Variants in MORF4L1 observed in about 807,000 individuals in gnomAD.
The protein encoded by MORF4L1 is mortality factor 4-like protein 1.
In MORF4L1, 4 loss-of-function variants were observed where a neutral mutation model predicts 52.9. The observed-to-expected ratio is 0.08, with a 90% CI of 0.04 to 0.17. MORF4L1 has a LOEUF of 0.17. Ranked by LOEUF, MORF4L1 falls within the 10% of genes least tolerant of loss-of-function variation. The probability of loss-of-function intolerance (pLI) is 1.00; values close to 1 mark genes in which losing one functional copy is unlikely to be tolerated. For synonymous variants in MORF4L1, 123 were observed against 134.8 expected (o/e 0.91, Z 0.61); for missense variants, 214 against 390.4 (o/e 0.55, Z 3.81).
intron 4 of MORF4L1, among the ~76,000 whole-genome samples, chr15:78,886,907 A>G (rs1433126905): frequency 6.6e-6 from 1 of 151,296 alleles, no homozygotes; most frequent in African/African-American, 2.4e-5. Flanking sequence ...GTGAGCGGAG[A>G]TCGCGCCACT....
intron 5 of MORF4L1, among the ~76,000 whole-genome samples, chr15:78,888,857 T>A (rs182455672): frequency 7.9e-5 from 12 of 152,350 alleles, no homozygotes; most frequent in Admixed American, 7.2e-4. Context: ...ATTTGAGGAT[T>A]GTTCATAGTT....
Position 78,897,221 on chromosome 15 carries a change from G to T in MORF4L1, c.*154G>T, listed in dbSNP as rs554687611. On this transcript the variant is annotated 3_prime_UTR_variant, in exon 12 of 12. Transcript: ENST00000426013. ...TTAAACAGAGAAAAAATAAAAGGGG[G>T]TAATAGCTCCTTTTTTCTTCTTTCT... 3 of 544,874 alleles carry T rather than the reference G, an allele frequency of 5.5e-6. No homozygotes were observed. The highest frequency in any genetic ancestry group is 9.8e-6 in the Non-Finnish European group (3 of 306,740). 33.8% of individuals were successfully genotyped at this position (544,874 alleles called of 1,614,324 possible).
intron 3 of MORF4L1, among the ~76,000 whole-genome samples, chr15:78,884,372 C>T (rs958269339): frequency 4.6e-5 from 7 of 151,962 alleles, no homozygotes; most frequent in African/African-American, 1.7e-4. Flanking sequence ...GGTGTAGTGG[C>T]GCGCACCTGT....
At chr15:78,873,250 C>T in intron 1 of MORF4L1, 193 bp downstream of exon 1, 1 of 1,498,832 alleles carries the variant, frequency 6.7e-7, no homozygotes, top group South Asian at 1.3e-5. Context: ...CTTTGTGAAG[C>T]GAGAGTGCTG....
intron 4 of MORF4L1, among the ~76,000 whole-genome samples, chr15:78,886,903 G>T (rs1431941691): frequency 6.6e-6 from 1 of 151,384 alleles, no homozygotes; most frequent in Non-Finnish European, 1.5e-5. Flanking sequence ...TTCAGTGAGC[G>T]GAGATCGCGC....
In MORF4L1 at chr15:78,897,912, CTT is replaced by C. The variant is rs1399925623; in HGVS notation, c.*846_*847del. ...CATAGCAGCTTTGGCAGTTTGCTGT[CTT>C]GAGTCTTAGCTAAAAAGTTAGAAGT... On this transcript the variant is annotated 3_prime_UTR_variant, in exon 12 of 12. Coordinates refer to ENST00000426013, the MANE Select transcript of MORF4L1 (RefSeq NM_006791.4). The C allele has an allele frequency of 6.6e-6, 1 of 152,222 alleles. No individual in the cohort carries two copies. The highest frequency in any genetic ancestry group is 1.5e-5 in the Non-Finnish European group (1 of 68,024). The allele number at this position is 152,222 out of a possible 1,614,324, so 9.4% of individuals were successfully genotyped here.
rs372117386 is a variant in MORF4L1, at chr15:78,897,088, T to C, written c.*21T>C. On this transcript the variant is annotated 3_prime_UTR_variant, in exon 12 of 12. Transcript: ENST00000426013. ...TGTGAGAGGCACTCTCACTCACTTA[T>C]GTTTGGATCTCCGTAAACACATTTT... The C allele has an allele frequency of 2.7e-5, 42 of 1,580,852 alleles. No homozygotes were observed. Among genetic ancestry groups the C allele is most frequent in the East Asian group, 4.5e-5 (2 of 44,682 alleles).
At chr15:78,883,710 T>C (rs766261923) in intron 3 of MORF4L1, among the ~76,000 whole-genome samples, 1 of 152,202 alleles carries the variant, frequency 6.6e-6, no homozygotes, top group Non-Finnish European at 1.5e-5. Flanking sequence ...GAAATGTCTT[T>C]GGTTGACTTG....
intron 4 of MORF4L1, among the ~76,000 whole-genome samples, chr15:78,886,715 G>A (rs552132142): frequency 6.6e-6 from 1 of 152,278 alleles, no homozygotes; most frequent in Admixed American, 6.5e-5. Flanking sequence ...CAGCATTTTG[G>A]GAGGCCAAGG....
chr15:78,887,449 T>C, intron 5 of MORF4L1, 100 bp downstream of exon 5: 1 of 991,080 alleles, frequency 1.0e-6, no homozygotes, highest in Non-Finnish European at 1.5e-6. Flanking sequence ...TTTGGAACAT[T>C]GTTGGAACCA....
intron 3 of MORF4L1, among the ~76,000 whole-genome samples, chr15:78,883,811 G>A (rs1250472778): frequency 6.6e-6 from 1 of 152,158 alleles, no homozygotes; most frequent in Non-Finnish European, 1.5e-5. Flanking sequence ...GAAAGGGGGA[G>A]GAGTTATTCA....
intron 3 of MORF4L1, among the ~76,000 whole-genome samples, chr15:78,882,041 C>G (rs2056612104): frequency 6.6e-6 from 1 of 152,148 alleles, no homozygotes; most frequent in Non-Finnish European, 1.5e-5. Context: ...ATGTTTTCAG[C>G]TGAGAATTTA....
intron 2 of MORF4L1, among the ~76,000 whole-genome samples, chr15:78,879,678 C>T (rs1356824514): frequency 6.6e-6 from 1 of 151,790 alleles, no homozygotes; most frequent in Non-Finnish European, 1.5e-5. Flanking sequence ...ACGTACAAGC[C>T]TGTAATCCCA....
intron 1 of MORF4L1, among the ~76,000 whole-genome samples, chr15:78,875,911 G>C (rs1022479894): frequency 3.3e-5 from 5 of 152,074 alleles, no homozygotes; most frequent in African/African-American, 1.2e-4. Flanking sequence ...AGAGAAAAGA[G>C]TGGCGAGAAG....
intron 1 of MORF4L1, among the ~76,000 whole-genome samples, chr15:78,875,393 AAG>A (rs988829911): frequency 6.6e-6 from 1 of 152,240 alleles, no homozygotes; most frequent in Non-Finnish European, 1.5e-5. Flanking sequence ...AAAGCTGTGT[AAG>A]AGAGTCTGTA....
intron 1 of MORF4L1, 159 bp downstream of exon 1, chr15:78,873,216 C>G (rs1651645703): frequency 2.6e-6 from 4 of 1,514,462 alleles, no homozygotes; most frequent in Non-Finnish European, 2.6e-6. Flanking sequence ...GATGGCAATT[C>G]CGGTGCGTCA....
In MORF4L1 at chr15:78,884,987, G is replaced by A. The variant is rs1555439856; in HGVS notation, c.156-1154G>A. ...ATCAGAAGTGCTGTGAGGCCCAGGCGCTCTGAAAAATCTTTGAAGACACAT... is the reference window on the plus strand; with the variant it reads ...ATCAGAAGTGCTGTGAGGCCCAGGCACTCTGAAAAATCTTTGAAGACACAT... On this transcript the variant is annotated intron_variant, in intron 3 of 11. Transcript: ENST00000426013. 8.7e-6 allele frequency: 14 copies of A among 1,613,898 alleles called. No homozygotes were observed. The highest frequency in any genetic ancestry group is 3.3e-5 in the South Asian group (3 of 91,062).
chr15:78,881,737 A>T (rs1439029627), intron 3 of MORF4L1, among the ~76,000 whole-genome samples: 1 of 152,180 alleles, frequency 6.6e-6, no homozygotes, highest in Admixed American at 6.5e-5. Flanking sequence ...CATTTTATTA[A>T]TGATGCCTTG....
At chr15:78,882,119 C>T (rs182429123) in intron 3 of MORF4L1, among the ~76,000 whole-genome samples, 1 of 152,256 alleles carries the variant, frequency 6.6e-6, no homozygotes, top group African/African-American at 2.4e-5. Flanking sequence ...GAAGTGCATC[C>T]TGACAACTTG....
Sources: allele counts gnomAD v4.1 joint callset (sites outside exome capture counted in the v4.1 genomes callset), GRCh38; gene constraint gnomAD v4.1.1; transcripts MANE v1.5; gene names NCBI Gene and HGNC (gene_info 2026-07-23, HGNC 2026-07-21).